The following MMP12 variants were observed in gnomAD, a reference collection of about 807,000 sequenced individuals.
MMP12 encodes matrix metallopeptidase 12.
A neutral mutation model predicts 45.2 loss-of-function variants in MMP12; 51 were observed. The ratio of observed to expected loss-of-function variants is 1.13; its 90% CI spans 0.90 to 1.42. The LOEUF is 1.42. Among genes scored for constraint, MMP12 ranks in the 40% most tolerant of loss-of-function variants. The probability of loss-of-function intolerance (pLI) is 0.00; values close to 1 mark genes in which losing one functional copy is unlikely to be tolerated. For synonymous variants in MMP12, 210 were observed against 193.3 expected (o/e 1.09, Z -0.72); for missense variants, 530 against 570.8 (o/e 0.93, Z 0.73).
In MMP12 at chr11:102,862,977, G is replaced by T; in HGVS notation, c.*123C>A. ...GTATTTTATATAATCATTACCTATG[G>T]TTTACAGATTTTATTTTTATGATAC... On this transcript the variant is annotated 3_prime_UTR_variant, in exon 10 of 10. Coordinates refer to ENST00000571244, the MANE Select transcript of MMP12 (RefSeq NM_002426.6). 1 of 547,572 alleles carries T rather than the reference G, an allele frequency of 1.8e-6. No individual in the cohort carries two copies. The highest frequency in any genetic ancestry group is 3.1e-6 in the Non-Finnish European group (1 of 318,372). The allele number at this position is 547,572 out of a possible 1,614,324, so 33.9% of individuals were successfully genotyped here. A position where few individuals can be genotyped will look rare whatever the true frequency, so the allele number is the denominator to read the frequency against.
chr11:102,864,392 G>A, intron 8 of MMP12, 140 bp from the exon 9 acceptor site: 2 of 628,068 alleles, frequency 3.2e-6, no homozygotes, highest in Non-Finnish European at 5.7e-6. Flanking sequence ...GACCTAAACA[G>A]TTCACTGATT....
chr11:102,873,729 G>C lies in MMP12; in HGVS notation c.103-617C>G, dbSNP rs958721691. 3.3e-5 allele frequency among the ~76,000 whole-genome samples: 5 copies of C among 152,166 alleles called. No homozygotes were observed. In the South Asian group the frequency reaches 1.0e-3, roughly 32 times the overall value. On this transcript the variant is annotated intron_variant, in intron 1 of 9. Coordinates refer to ENST00000571244, the MANE Select transcript of MMP12 (RefSeq NM_002426.6). ...ATTTATTCATTTTTAAGACAGAGGA[G>C]TTTCTCTTGGTCACCCAGGCTGGCC...
chr11:102,863,769 G>A (rs529728038), intron 9 of MMP12, among the ~76,000 whole-genome samples: 2 of 152,200 alleles, frequency 1.3e-5, no homozygotes, highest in Non-Finnish European at 2.9e-5. Flanking sequence ...CTATAGGAAA[G>A]GTCAAGAGTG....
rs199918414 is a variant in MMP12 at position 102,871,907 on chromosome 11, G to A, written c.396C>T (p.Tyr132=). 8.4e-5 allele frequency: 135 copies of A among 1,613,426 alleles called. 1 individual carries two copies. The highest frequency in any genetic ancestry group is 1.9e-4 in the African/African-American group (14 of 74,878). ...TPDMNREDVD[Y]AIRKAFQVWS... is the part of the protein sequence containing the mutation. ...ATACTTGGAAAGCTTTCCGGATTGC[G>A]TAGTCAACATCCTCACGGTTCATGT... Residue 132 remains tyrosine, a synonymous_variant, in exon 3 of 10, where the codon TAC becomes TAT. Coordinates refer to ENST00000571244, the MANE Select transcript of MMP12 (RefSeq NM_002426.6).
intron 1 of MMP12, among the ~76,000 whole-genome samples, chr11:102,874,284 C>T (rs573152674): frequency 6.6e-5 from 10 of 151,972 alleles, no homozygotes; most frequent in Non-Finnish European, 8.8e-5. Context: ...TGGTGGCTCC[C>T]GCCTGTAATC....
intron 2 of MMP12, 108 bp from the exon 3 acceptor site, chr11:102,872,060 A>G: frequency 6.5e-6 from 8 of 1,230,420 alleles, no homozygotes; most frequent in Non-Finnish European, 8.7e-6. Flanking sequence ...CATTTCATAA[A>G]TCAAGAGTCC....
In MMP12 at chr11:102,872,833, G is replaced by C. The variant is rs185764487; in HGVS notation, c.350+32C>G. ...TAGAAGTCAGACCTATGGGAAAGTA[G>C]AAAAATACAGGGCGACATACACCAA... On this transcript the variant is annotated intron_variant, in intron 2 of 9. Transcript: ENST00000571244. 265 of 1,607,480 alleles carry C rather than the reference G, an allele frequency of 1.6e-4. 2 individuals carry two copies. The African/African-American group carries it at 3.1e-3, about 19-fold the overall frequency.
At chr11:102,872,217 TG>T (rs1219443456) in intron 2 of MMP12, among the ~76,000 whole-genome samples, 5 of 152,234 alleles carry the variant, frequency 3.3e-5, no homozygotes, top group Admixed American at 3.3e-4. Context: ...TTATGCTTTT[TG>T]CTCCTGCTCC....
In MMP12 at chr11:102,863,018, G is replaced by T; in HGVS notation, c.*82C>A. The T allele has an allele frequency of 6.4e-6, 5 of 776,312 alleles. No homozygotes were observed. In the South Asian group the frequency reaches 7.3e-5, roughly 11 times the overall value. 48.1% of individuals were successfully genotyped at this position (776,312 alleles called of 1,614,324 possible). On this transcript the variant is annotated 3_prime_UTR_variant, in exon 10 of 10. Coordinates refer to ENST00000571244, the MANE Select transcript of MMP12 (RefSeq NM_002426.6). The stretch of plus-strand genomic sequence containing the variant: ...TTTATGATACATATCTCTAAGTAGT[G>T]GTACACTGAGGACATAGCAAATATG...
intron 8 of MMP12, among the ~76,000 whole-genome samples, chr11:102,864,682 A>C (rs534585554): frequency 6.6e-6 from 1 of 152,218 alleles, no homozygotes; most frequent in Non-Finnish European, 1.5e-5. Context: ...GGTTTTATAC[A>C]CACGTTTGAG....
intron 1 of MMP12, among the ~76,000 whole-genome samples, chr11:102,873,401 A>G (rs1274955636): frequency 6.6e-6 from 1 of 152,116 alleles, no homozygotes; most frequent in Admixed American, 6.6e-5. Context: ...GGAGTTCAAG[A>G]CTAGCCTGGA....
chr11:102,873,259 G>A (rs1203923954), intron 1 of MMP12, 147 bp from the exon 2 acceptor site: 1 of 760,766 alleles, frequency 1.3e-6, no homozygotes, highest in Non-Finnish European at 2.1e-6. Context: ...TTGTTTTTTG[G>A]ACAATTAATT....
At chr11:102,872,692 CCT>C (rs782758575) in intron 2 of MMP12, among the ~76,000 whole-genome samples, 171 bp downstream of exon 2, 26 of 152,224 alleles carry the variant, frequency 1.7e-4, no homozygotes, top group African/African-American at 5.5e-4. Context: ...ACAATTCTCC[CCT>C]GAGTGAACAA....
rs368620936 is a variant in MMP12, at chr11:102,872,740, T to G, written c.350+125A>C. 2.8e-5 allele frequency: 28 copies of G among 1,005,274 alleles called. No homozygotes were observed. The Admixed American group carries it at 3.1e-4, about 11-fold the overall frequency. The allele number at this position is 1,005,274 out of a possible 1,614,324, so 62.3% of individuals were successfully genotyped here. A position where few individuals can be genotyped will look rare whatever the true frequency, so the allele number is the denominator to read the frequency against. Reference sequence around the variant, plus strand: ...TAGAGAAAATGAATTTTAGCAGAGATAGCATTAACAATGGAGGGAGGTTAC... The same window carrying G: ...TAGAGAAAATGAATTTTAGCAGAGAGAGCATTAACAATGGAGGGAGGTTAC... On this transcript the variant is annotated intron_variant, in intron 2 of 9. Coordinates refer to ENST00000571244, the MANE Select transcript of MMP12 (RefSeq NM_002426.6).
In MMP12 at chr11:102,873,096, A is replaced by C; in HGVS notation, c.119T>G (p.Phe40Cys). ...AAGTTTGTTTATCTCAAGGCCATAA[A>C]ATTTTTCTAAGTATCTCTGGAAAAA... is the stretch of plus-strand genomic sequence containing the variant. ...VLFGERYLEK[F>C]YGLEINKLPV... Residue 40 changes from phenylalanine to cysteine, a missense_variant, in exon 2 of 10, where the codon TTT becomes TGT. Phe to Cys is a radical substitution (Grantham distance 205, BLOSUM62 -2). Coordinates refer to ENST00000571244, the MANE Select transcript of MMP12 (RefSeq NM_002426.6). The C allele has an allele frequency of 6.2e-7, 1 of 1,611,962 alleles. No homozygotes were observed. Among genetic ancestry groups the C allele is most frequent in the Non-Finnish European group, 8.5e-7 (1 of 1,179,114 alleles).
intron 1 of MMP12, among the ~76,000 whole-genome samples, chr11:102,873,331 A>G (rs1859536328): frequency 6.6e-6 from 1 of 152,150 alleles, no homozygotes; most frequent in Non-Finnish European, 1.5e-5. Flanking sequence ...CAGGAGCAGT[A>G]GCTCAGGCCT....
intron 4 of MMP12, among the ~76,000 whole-genome samples, chr11:102,869,862 T>C (rs1379587490): frequency 1.3e-5 from 2 of 152,056 alleles, no homozygotes; most frequent in Non-Finnish European, 2.9e-5. Context: ...AAGGTTGCAG[T>C]GAGCTGAGAT....
chr11:102,868,500 C>G (rs974103625), intron 4 of MMP12, among the ~76,000 whole-genome samples: 1 of 152,146 alleles, frequency 6.6e-6, no homozygotes, highest in Non-Finnish European at 1.5e-5. Context: ...ACTCTCATGA[C>G]TCAATTCTAT....
chr11:102,864,062 T>C, intron 9 of MMP12, 84 bp downstream of exon 9: 1 of 1,063,746 alleles, frequency 9.4e-7, no homozygotes, highest in African/African-American at 1.6e-5. Flanking sequence ...CCTTTCCAAT[T>C]TGGAGCCCTA....
Sources: allele counts gnomAD v4.1 joint callset (sites outside exome capture counted in the v4.1 genomes callset), GRCh38; gene constraint gnomAD v4.1.1; transcripts MANE v1.5; gene names NCBI Gene and HGNC (gene_info 2026-07-23, HGNC 2026-07-21).